EML6: variants seen among roughly 807,000 people sequenced by gnomAD.
EML6 encodes EMAP like 6, also known as echinoderm microtubule-associated protein-like 6.
A neutral mutation model predicts 240.1 loss-of-function variants in EML6; 154 were observed. The ratio of observed to expected loss-of-function variants is 0.64; its 90% confidence interval spans 0.56 to 0.73. The LOEUF is 0.73. Ranked by LOEUF, EML6 falls within the 30% of genes least tolerant of loss-of-function variation. The pLI is 0.00. For synonymous variants in EML6, 1,148 were observed against 899.0 expected (o/e 1.28, Z -4.95); for missense variants, 2,964 against 2,474.6 (o/e 1.20, Z -4.20).
intron 28 of EML6, among the ~76,000 whole-genome samples, chr2:54,929,396 A>T (rs1429408660): frequency 6.6e-6 from 1 of 152,234 alleles, no homozygotes; most frequent in Non-Finnish European, 1.5e-5. Flanking sequence ...TAGCATTTCT[A>T]AAAAGAAAAG....
chr2:54,830,755 A>G (rs753305708), intron 7 of EML6, among the ~76,000 whole-genome samples: 1 of 152,220 alleles, frequency 6.6e-6, no homozygotes, highest in Non-Finnish European at 1.5e-5. Flanking sequence ...AATGAGCTGG[A>G]TATTGTACTT....
chr2:54,931,594 G>A (rs184515256), intron 28 of EML6, among the ~76,000 whole-genome samples: 2 of 152,290 alleles, frequency 1.3e-5, no homozygotes, highest in African/African-American at 2.4e-5. Context: ...GATTTGAGAG[G>A]CAGGGGTTTT....
intron 39 of EML6, 102 bp from the exon 40 acceptor site, chr2:54,968,026 T>G: frequency 8.2e-7 from 1 of 1,213,472 alleles, no homozygotes; most frequent in Non-Finnish European, 1.2e-6. Context: ...ACCCCTGATG[T>G]TAAACATCCC....
At chr2:54,917,367 T>G (rs889268231) in intron 26 of EML6, among the ~76,000 whole-genome samples, 36 of 149,822 alleles carry the variant, frequency 2.4e-4, no homozygotes, top group African/African-American at 6.6e-4. Flanking sequence ...TGTTTTTTTT[T>G]TTTTTTTTGT....
At chr2:54,930,064 T>TTTTTTTTAGG (rs1674771720) in intron 28 of EML6, among the ~76,000 whole-genome samples, 2 of 152,296 alleles carry the variant, frequency 1.3e-5, no homozygotes, top group East Asian at 3.9e-4. Flanking sequence ...AAAAAATGTT[T>TTTTTTTTAGG]CACCTGAAGT....
chr2:54,956,568 C>T (rs1431664113), intron 32 of EML6, among the ~76,000 whole-genome samples: 1 of 152,118 alleles, frequency 6.6e-6, no homozygotes, highest in Non-Finnish European at 1.5e-5. Context: ...AGAGAGAGAT[C>T]TGCTACAGTA....
intron 16 of EML6, among the ~76,000 whole-genome samples, chr2:54,879,101 A>C (rs759108841): frequency 5.9e-5 from 9 of 152,240 alleles, no homozygotes; most frequent in Non-Finnish European, 1.3e-4. Flanking sequence ...TTTAGAGCTG[A>C]AAATGGTCTC....
At chr2:54,837,840 A>T (rs1262387013) in intron 7 of EML6, among the ~76,000 whole-genome samples, 1 of 152,168 alleles carries the variant, frequency 6.6e-6, no homozygotes, top group Non-Finnish European at 1.5e-5. Flanking sequence ...GTGTCTTTTA[A>T]ATGCTCTCTC....
intron 2 of EML6, among the ~76,000 whole-genome samples, chr2:54,779,641 C>T (rs141246173): frequency 8.6e-4 from 130 of 151,500 alleles, no homozygotes; most frequent in African/African-American, 2.9e-3. Flanking sequence ...GCAGGTCGAT[C>T]GCTTGAGCTC....
rs906853387 is a variant in EML6 at position 54,869,252 on chromosome 2, C to T, written c.2123C>T (p.Ala708Val). ...QAGEVVYHIA[A>V]VAVVYNRQQH... ...GGAGAAGTAGTCTACCACATTGCTG[C>T]AGTTGCTGTCGTGTATAATCGGCAG... The change falls in exon 15 of 42, where the codon GCA (alanine) becomes GTA (valine). Residue 708 changes from alanine to valine, a missense_variant. Coordinates refer to ENST00000356458, the MANE Select transcript of EML6 (RefSeq NM_001039753.4). 3.2e-6 allele frequency: 5 copies of T among 1,551,504 alleles called. No homozygotes were observed. The highest frequency in any genetic ancestry group is 1.2e-5 in the South Asian group (1 of 84,052).
intron 2 of EML6, among the ~76,000 whole-genome samples, chr2:54,739,639 A>C (rs1683546124): frequency 6.6e-6 from 1 of 152,232 alleles, no homozygotes; most frequent in Non-Finnish European, 1.5e-5. Context: ...TCACGAGGGC[A>C]GGAGTCCACA....
intron 26 of EML6, 47 bp downstream of exon 26, chr2:54,916,982 A>G: frequency 1.4e-6 from 2 of 1,389,142 alleles, no homozygotes; most frequent in Non-Finnish European, 2.0e-6. Context: ...CTCCTTAATA[A>G]CCTTAAATAT....
intron 2 of EML6, among the ~76,000 whole-genome samples, chr2:54,788,966 C>T (rs1669244983): frequency 6.6e-6 from 1 of 152,166 alleles, no homozygotes; most frequent in African/African-American, 2.4e-5. Flanking sequence ...TCCATCCGCC[C>T]CACCCCCTTT....
chr2:54,800,447 A>G lies in EML6; in HGVS notation c.198-12785A>G, dbSNP rs1390553274. ...AATATATGTATATATATTTTGGGGT[A>G]CCTATTTTCAATATAAGGACTCTTA... On this transcript the variant is annotated intron_variant, in intron 2 of 41. Transcript: ENST00000356458. Among the ~76,000 whole-genome samples, 3 of 152,130 alleles carry G rather than the reference A, an allele frequency of 2.0e-5. No individual in the cohort carries two copies. In the South Asian group the frequency reaches 6.2e-4, roughly 32 times the overall value.
chr2:54,924,648 G>T (rs1483667547), intron 26 of EML6, among the ~76,000 whole-genome samples: 2 of 152,116 alleles, frequency 1.3e-5, no homozygotes, highest in African/African-American at 4.8e-5. Context: ...TGCAACCTCT[G>T]TCTCCTGGGT....
rs1289632955 is a variant in EML6 at position 54,928,423 on chromosome 2, C to T, written c.3786C>T (p.Ala1262=). 6.5e-7 allele frequency: 1 copy of T among 1,545,732 alleles called. No homozygotes were observed. Among genetic ancestry groups the T allele is most frequent in the Non-Finnish European group, 8.7e-7 (1 of 1,143,894 alleles). Residue 1262 remains alanine, a synonymous_variant, in exon 27 of 42, where the codon GCC becomes GCT. Transcript: ENST00000356458. ...VLLTVGGADT[A]LMIWTREFVG... ...TCACGGTGGGCGGCGCCGACACAGCCCTGATGATCTGGACCAGGGAGTTTG... is the reference window on the plus strand; with the variant it reads ...TCACGGTGGGCGGCGCCGACACAGCTCTGATGATCTGGACCAGGGAGTTTG...
At chr2:54,949,380 G>T (rs1004437395) in intron 29 of EML6, among the ~76,000 whole-genome samples, 1 of 152,132 alleles carries the variant, frequency 6.6e-6, no homozygotes, top group Non-Finnish European at 1.5e-5. Context: ...GCCACGAAGC[G>T]TTTCATACAA....
At chr2:54,819,467 T>A (rs760731277) in intron 4 of EML6, among the ~76,000 whole-genome samples, 1 of 152,172 alleles carries the variant, frequency 6.6e-6, no homozygotes, top group Non-Finnish European at 1.5e-5. Flanking sequence ...GCAAACTGTC[T>A]GGTAGCTCTT....
chr2:54,758,837 T>C (rs1667850869), intron 2 of EML6, among the ~76,000 whole-genome samples: 1 of 152,084 alleles, frequency 6.6e-6, no homozygotes, highest in Non-Finnish European at 1.5e-5. Context: ...TAATCCCAGT[T>C]TTGCTACATT....
Sources: gnomAD v4.1 joint callset for allele counts (sites outside exome capture counted in the v4.1 genomes callset) on GRCh38, gnomAD v4.1.1 for gene constraint, MANE v1.5 for transcripts, NCBI Gene and HGNC (gene_info 2026-07-23, HGNC 2026-07-21) for gene names.